The following NAALADL2 variants were observed in gnomAD, a reference collection of about 807,000 sequenced individuals.
The protein encoded by NAALADL2 is N-acetylated alpha-linked acidic dipeptidase like 2, also known as inactive N-acetylated-alpha-linked acidic dipeptidase-like protein 2.
Under a neutral mutation model 87.2 loss-of-function variants are expected in NAALADL2, and 76 were observed. The observed-to-expected ratio is 0.87, with a 90% CI of 0.72 to 1.05. The LOEUF (loss-of-function observed/expected upper bound fraction) is 1.05, where lower values mean the gene tolerates loss of function less well. Among genes scored for constraint, NAALADL2 ranks in the 50% least tolerant of loss-of-function variants. The probability of loss-of-function intolerance (pLI) is 0.00; values close to 1 mark genes in which losing one functional copy is unlikely to be tolerated. For synonymous variants in NAALADL2, 354 were observed against 331.0 expected (o/e 1.07, Z -0.75); for missense variants, 1,089 against 945.8 (o/e 1.15, Z -1.99).
At chr3:175,613,807 G>A (rs1724978124) in intron 10 of NAALADL2, among the ~76,000 whole-genome samples, 2 of 152,184 alleles carry the variant, frequency 1.3e-5, no homozygotes, top group South Asian at 2.1e-4. Context: ...GGTTAATTGA[G>A]CTACTATTAC....
chr3:175,702,314 G>C (rs1739100454), intron 11 of NAALADL2, among the ~76,000 whole-genome samples: 1 of 152,010 alleles, frequency 6.6e-6, no homozygotes, highest in Admixed American at 6.6e-5. Context: ...ATTTTCACTG[G>C]TGAATCTGTA....
intron 1 of NAALADL2, among the ~76,000 whole-genome samples, chr3:174,883,825 T>G (rs1729728002): frequency 1.3e-5 from 2 of 152,178 alleles, no homozygotes; most frequent in African/African-American, 4.8e-5. Flanking sequence ...TTTGTAGTCC[T>G]GTCTGGATTG....
At chr3:174,623,799 A>C (rs922220452) in intron 2 of NAALADL2, among the ~76,000 whole-genome samples, 1 of 152,130 alleles carries the variant, frequency 6.6e-6, no homozygotes, top group Non-Finnish European at 1.5e-5. Flanking sequence ...GAAACCACAT[A>C]GATTCAGAAA....
chr3:174,882,828 C>T (rs1361874540), intron 1 of NAALADL2, among the ~76,000 whole-genome samples: 1 of 142,908 alleles, frequency 7.0e-6, no homozygotes, highest in African/African-American at 2.6e-5. Context: ...TGTATATATA[C>T]ACGTGTGTAT....
chr3:174,595,445 A>G (rs999323277), intron 2 of NAALADL2, among the ~76,000 whole-genome samples: 1 of 152,202 alleles, frequency 6.6e-6, no homozygotes, highest in Non-Finnish European at 1.5e-5. Context: ...TTCAGTCTGT[A>G]TGCTTTGTAT....
chr3:175,221,419 TG>T (rs1281765506), intron 2 of NAALADL2, among the ~76,000 whole-genome samples: 3 of 152,156 alleles, frequency 2.0e-5, no homozygotes, highest in Non-Finnish European at 4.4e-5. Context: ...AGGCAATTTT[TG>T]TAAACATTTC....
chr3:175,159,060 T>G (rs1316719520), intron 2 of NAALADL2, among the ~76,000 whole-genome samples: 1 of 152,166 alleles, frequency 6.6e-6, no homozygotes, highest in Non-Finnish European at 1.5e-5. Flanking sequence ...AAAAGCATAT[T>G]AATTTAAGAA....
At chr3:174,949,245 A>G (rs1442114831) in intron 1 of NAALADL2, among the ~76,000 whole-genome samples, 1 of 152,142 alleles carries the variant, frequency 6.6e-6, no homozygotes, top group Non-Finnish European at 1.5e-5. Flanking sequence ...TAGCCCTTCA[A>G]ATGGGCTTTC....
At chr3:175,679,550 T>A (rs1439946888) in intron 11 of NAALADL2, among the ~76,000 whole-genome samples, 1 of 152,194 alleles carries the variant, frequency 6.6e-6, no homozygotes, top group Non-Finnish European at 1.5e-5. Flanking sequence ...TGGAATTACT[T>A]GTGAATTGGA....
intron 9 of NAALADL2, among the ~76,000 whole-genome samples, chr3:175,477,050 C>T (rs564147232): frequency 3.9e-5 from 6 of 152,136 alleles, no homozygotes; most frequent in African/African-American, 1.4e-4. Flanking sequence ...GAAAGGATTT[C>T]CTCAGGTCAG....
chr3:175,310,019 C>A (rs901655622), intron 4 of NAALADL2, among the ~76,000 whole-genome samples: 9 of 152,168 alleles, frequency 5.9e-5, no homozygotes, highest in African/African-American at 2.2e-4. Context: ...AACAAGTAGA[C>A]AAATTCAAAT....
intron 5 of NAALADL2, among the ~76,000 whole-genome samples, chr3:175,333,209 G>A (rs1355735518): frequency 1.3e-5 from 2 of 152,272 alleles, no homozygotes; most frequent in East Asian, 3.9e-4. Flanking sequence ...TGTACAGGTA[G>A]ATGTCAGCTG....
chr3:175,592,651 A>T (rs1429094908), intron 10 of NAALADL2, among the ~76,000 whole-genome samples: 1 of 149,912 alleles, frequency 6.7e-6, no homozygotes. Flanking sequence ...AAAAAATCAA[A>T]CACTGCATAT....
At chr3:175,794,152 T>C (rs1474229631) in intron 13 of NAALADL2, among the ~76,000 whole-genome samples, 1 of 152,188 alleles carries the variant, frequency 6.6e-6, no homozygotes. Flanking sequence ...GAAATGCATC[T>C]TTATATTAAT....
chr3:175,326,713 G>C (rs568408655), intron 5 of NAALADL2, among the ~76,000 whole-genome samples: 1 of 152,290 alleles, frequency 6.6e-6, no homozygotes, highest in East Asian at 1.9e-4. Context: ...AGGCATAATG[G>C]TAAGAGAGCA....
At chr3:175,199,841 TATATATATATATATATATATA>T (rs1739612910) in intron 2 of NAALADL2, among the ~76,000 whole-genome samples, 4 of 14,048 alleles carry the variant, frequency 2.8e-4, no homozygotes, top group Non-Finnish European at 4.0e-4. Flanking sequence ...TATATATATA[TATATATATATATATATATATA>T]TATTTTTTTT....
In NAALADL2 at chr3:174,527,930, C is replaced by T. The variant is rs77315726; in HGVS notation, c.-183-22639C>T. ...GGCTGGCAAATTATGGTCCCCAGGCCGAATCTGGCTCAACACCAGTTTTGG... is the reference window on the plus strand; with the variant it reads ...GGCTGGCAAATTATGGTCCCCAGGCTGAATCTGGCTCAACACCAGTTTTGG... On this transcript the variant is annotated intron_variant, in intron 1 of 3. Coordinates refer to the NAALADL2 transcript ENST00000434257. Among the ~76,000 whole-genome samples the T allele has an allele frequency of 2.1e-3, 323 of 152,164 alleles. 2 individuals carry two copies. Among genetic ancestry groups the T allele is most frequent in the African/African-American group, 7.4e-3 (307 of 41,484 alleles).
intron 9 of NAALADL2, among the ~76,000 whole-genome samples, chr3:175,569,719 T>C (rs1717740801): frequency 6.6e-6 from 1 of 152,028 alleles, no homozygotes; most frequent in Non-Finnish European, 1.5e-5. Flanking sequence ...CTTACCGTGA[T>C]GGCACTCTGA....
intron 1 of NAALADL2, among the ~76,000 whole-genome samples, chr3:174,926,382 G>A (rs1736038677): frequency 6.6e-6 from 1 of 152,036 alleles, no homozygotes; most frequent in Non-Finnish European, 1.5e-5. Context: ...CTCGAGAAGA[G>A]CAACTCCAAG....
Sources: allele counts gnomAD v4.1 joint callset (sites outside exome capture counted in the v4.1 genomes callset), GRCh38; gene constraint gnomAD v4.1.1; transcripts MANE v1.5; gene names NCBI Gene and HGNC (gene_info 2026-07-23, HGNC 2026-07-21).